MEGF11: variants seen among roughly 807,000 people sequenced by gnomAD.
MEGF11 encodes the protein multiple epidermal growth factor-like domains protein 11.
In MEGF11, 126 loss-of-function variants were observed where a neutral mutation model predicts 146.6. The observed-to-expected ratio is 0.86, with a 90% CI of 0.74 to 1.00. MEGF11 has a LOEUF of 1.00. Ranked by LOEUF, MEGF11 falls within the 50% of genes least tolerant of loss-of-function variation. The pLI is 0.00. For synonymous variants in MEGF11, 532 were observed against 583.4 expected (o/e 0.91, Z 1.27); for missense variants, 1,509 against 1,521.2 (o/e 0.99, Z 0.13).
At chr15:65,939,551 A>G (rs1340095421) in intron 10 of MEGF11, among the ~76,000 whole-genome samples, 1 of 149,448 alleles carries the variant, frequency 6.7e-6, no homozygotes, top group Non-Finnish European at 1.5e-5. Context: ...CTGGAGTGCA[A>G]TGTTGCAATC....
intron 15 of MEGF11, among the ~76,000 whole-genome samples, chr15:65,919,648 C>T (rs928939771): frequency 6.6e-6 from 1 of 152,056 alleles, no homozygotes; most frequent in Non-Finnish European, 1.5e-5. Flanking sequence ...TTTTTTGTTT[C>T]GAGACAGAGT....
chr15:66,179,000 C>T (rs1272820403), intron 1 of MEGF11, among the ~76,000 whole-genome samples: 2 of 152,158 alleles, frequency 1.3e-5, no homozygotes, highest in East Asian at 1.9e-4. Flanking sequence ...TTCCTGTAGC[C>T]TCCGGGTAGC....
At position 65,987,097 on chromosome 15, in the gene MEGF11, G is replaced by A. The variant is rs570451169; in HGVS notation, c.395-4609C>T. Among the ~76,000 whole-genome samples, 63 of 152,230 alleles carry A rather than the reference G, an allele frequency of 4.1e-4. 3 individuals carry two copies. The South Asian group carries it at 0.013, about 31-fold the overall frequency. On this transcript the variant is annotated intron_variant, in intron 5 of 25. Coordinates refer to ENST00000395614, the MANE Select transcript of MEGF11 (RefSeq NM_001385028.1). ...AGACTTTGGGGTCCAGGCTTAGTGT[G>A]CCCCTGGGTCCCCAAGAGGGCAAAT...
intron 1 of MEGF11, among the ~76,000 whole-genome samples, chr15:66,156,853 G>C (rs535920495): frequency 6.6e-6 from 1 of 152,108 alleles, no homozygotes. Flanking sequence ...ACAGAGCAAC[G>C]CAAGAGGAAA....
chr15:66,179,679 T>C (rs1456543181), intron 1 of MEGF11, among the ~76,000 whole-genome samples: 1 of 152,084 alleles, frequency 6.6e-6, no homozygotes, highest in Non-Finnish European at 1.5e-5. Context: ...ATAAGGAGAT[T>C]GTACTCAACC....
intron 4 of MEGF11, among the ~76,000 whole-genome samples, chr15:66,111,456 G>A (rs780610473): frequency 3.3e-5 from 5 of 152,180 alleles, no homozygotes; most frequent in African/African-American, 1.2e-4. Context: ...AGGAGAGCAC[G>A]GTAAATTTCT....
chr15:66,123,990 T>C lies in MEGF11; in HGVS notation c.109A>G (p.Thr37Ala). ...GGGTGTGCATACGATTCCTGGACAGTCACAGCATAGCTGAGAACCAGATGG... is the reference window on the plus strand; with the variant it reads ...GGGTGTGCATACGATTCCTGGACAGCCACAGCATAGCTGAGAACCAGATGG... The part of the protein sequence containing the change: ...VCSHWESYAV[T>A]VQESYAHPFD... Residue 37 changes from threonine (T) to alanine (A), a missense_variant, in exon 3 of 26, where the codon ACT becomes GCT. By Grantham distance (58) the Thr-to-Ala change is moderately conservative. Transcript: ENST00000395614. 6.2e-7 allele frequency: 1 copy of C among 1,613,680 alleles called. No homozygotes were observed. The highest frequency in any genetic ancestry group is 8.5e-7 in the Non-Finnish European group (1 of 1,179,628).
chr15:65,924,052 G>A (rs115732608), intron 13 of MEGF11, among the ~76,000 whole-genome samples: 78 of 152,204 alleles, frequency 5.1e-4, no homozygotes, highest in African/African-American at 1.8e-3. Context: ...AGTGATTGTG[G>A]GAAAGAGAAA....
intron 1 of MEGF11, among the ~76,000 whole-genome samples, chr15:66,140,905 A>C (rs1345134292): frequency 1.3e-5 from 2 of 151,920 alleles, no homozygotes; most frequent in African/African-American, 4.8e-5. Context: ...TACTAAGAAT[A>C]CTCTGTGAAT....
At chr15:66,134,905 G>A (rs562036443) in intron 1 of MEGF11, among the ~76,000 whole-genome samples, 1 of 152,368 alleles carries the variant, frequency 6.6e-6, no homozygotes, top group Admixed American at 6.5e-5. Flanking sequence ...TGAAAGGGAG[G>A]TGACTTGCTC....
At chr15:66,123,823 T>TA in intron 3 of MEGF11, 76 bp downstream of exon 3, 1 of 1,260,028 alleles carries the variant, frequency 7.9e-7, no homozygotes, top group Non-Finnish European at 1.2e-6. Context: ...CAGCGGCCTT[T>TA]TTCTAACTTG....
intron 4 of MEGF11, among the ~76,000 whole-genome samples, chr15:66,100,297 C>A (rs2086735568): frequency 1.3e-5 from 2 of 152,142 alleles, no homozygotes; most frequent in African/African-American, 4.8e-5. Flanking sequence ...TGAATCCTCC[C>A]CCTACCTGCT....
chr15:66,036,768 G>A (rs1252532660), intron 5 of MEGF11, among the ~76,000 whole-genome samples: 1 of 152,170 alleles, frequency 6.6e-6, no homozygotes, highest in South Asian at 2.1e-4. Context: ...AATTCAGATT[G>A]GTACCCAGCT....
chr15:65,972,364 G>A (rs946948898), intron 7 of MEGF11, among the ~76,000 whole-genome samples: 2 of 152,262 alleles, frequency 1.3e-5, no homozygotes, highest in East Asian at 1.9e-4. Context: ...GCATGTTATC[G>A]TAAACTTTTA....
chr15:65,958,264 G>A (rs949325249), intron 9 of MEGF11, among the ~76,000 whole-genome samples: 1 of 152,236 alleles, frequency 6.6e-6, no homozygotes, highest in South Asian at 2.1e-4. Flanking sequence ...GCCCTGGAGA[G>A]AGCAACCCCA....
At chr15:66,087,092 T>C (rs2086140582) in intron 5 of MEGF11, among the ~76,000 whole-genome samples, 2 of 152,214 alleles carry the variant, frequency 1.3e-5, no homozygotes, top group Admixed American at 1.3e-4. Context: ...TATTATACAA[T>C]GGTAAAAGGC....
intron 8 of MEGF11, among the ~76,000 whole-genome samples, chr15:65,965,613 C>T (rs333551): frequency 0.73 from 39,030 of 53,340 alleles, 13,287 homozygotes; most frequent in Admixed American, 0.75. Context: ...TTTTTTTTTT[C>T]TTTTTTTTTT....
intron 15 of MEGF11, among the ~76,000 whole-genome samples, chr15:65,919,182 C>G (rs2079096097): frequency 6.6e-6 from 1 of 152,218 alleles, no homozygotes; most frequent in Non-Finnish European, 1.5e-5. Context: ...CAGTGCCTCT[C>G]CTGGACGTGA....
At chr15:65,991,742 G>A (rs1277160359) in intron 5 of MEGF11, among the ~76,000 whole-genome samples, 6 of 152,188 alleles carry the variant, frequency 3.9e-5, no homozygotes, top group Admixed American at 1.3e-4. Flanking sequence ...TACAGGTCAG[G>A]AAACTGGGCC....
Sources: gnomAD v4.1 joint callset for allele counts (sites outside exome capture counted in the v4.1 genomes callset) on GRCh38, gnomAD v4.1.1 for gene constraint, MANE v1.5 for transcripts, NCBI Gene and HGNC (gene_info 2026-07-23, HGNC 2026-07-21) for gene names.